The following MAF variants were observed in gnomAD, a reference collection of about 807,000 sequenced individuals.
MAF encodes the protein transcription factor Maf.
Under a neutral mutation model 22.0 loss-of-function variants are expected in MAF, and 10 were observed. That is an observed-to-expected ratio of 0.45 (90% CI 0.28 to 0.77). The LOEUF (loss-of-function observed/expected upper bound fraction) is 0.77, where lower values mean the gene tolerates loss of function less well. Ranked by LOEUF, MAF falls within the 30% of genes least tolerant of loss-of-function variation. MAF has a pLI of 0.12. For missense variants in MAF, 544 were observed against 548.4 expected (o/e 0.99, Z 0.08); for synonymous variants, 337 against 255.8 (o/e 1.32, Z -3.03).
chr16:79,252,700 G>T, the MAF span, among the ~76,000 whole-genome samples: 5 of 152,134 alleles, frequency 3.3e-5, no homozygotes, highest in South Asian at 2.1e-4. Context: ...ATGTTGGCCA[G>T]GCTGGCCTTG....
chr16:79,570,267 C>T, the MAF span, among the ~76,000 whole-genome samples: 8 of 152,106 alleles, frequency 5.3e-5, 1 homozygote, highest in Non-Finnish European at 1.2e-4. Context: ...TAACCCCTCC[C>T]TCCAGCCCTG....
the MAF span, among the ~76,000 whole-genome samples, chr16:79,328,618 A>G: frequency 6.6e-6 from 1 of 152,212 alleles, no homozygotes; most frequent in African/African-American, 2.4e-5. Context: ...ACGAAGACAA[A>G]GCTTATTGAG....
chr16:79,409,789 C>T, the MAF span, among the ~76,000 whole-genome samples: 9 of 152,218 alleles, frequency 5.9e-5, no homozygotes, highest in Non-Finnish European at 8.8e-5. Context: ...TAGATCAGTG[C>T]TGTTCAGTGG....
the MAF span, among the ~76,000 whole-genome samples, chr16:79,402,125 C>T: frequency 6.6e-6 from 1 of 152,208 alleles, no homozygotes. Context: ...GCAGCTTAAG[C>T]TAGCAGAATT....
chr16:79,327,612 A>G, the MAF span, among the ~76,000 whole-genome samples: 1 of 152,198 alleles, frequency 6.6e-6, no homozygotes, highest in Non-Finnish European at 1.5e-5. Flanking sequence ...TAAGGTGGAA[A>G]TAGTGTTTTT....
At chr16:79,372,567 A>C in the MAF span, among the ~76,000 whole-genome samples, 1 of 152,204 alleles carries the variant, frequency 6.6e-6, no homozygotes, top group African/African-American at 2.4e-5. Context: ...AGACGCTGTA[A>C]TGTCTTAGCC....
the MAF span, among the ~76,000 whole-genome samples, chr16:79,336,749 G>A: frequency 6.6e-6 from 1 of 152,170 alleles, no homozygotes; most frequent in Non-Finnish European, 1.5e-5. Context: ...CATGAGTCAT[G>A]CATTTTGCAT....
At chr16:79,300,755 A>G in the MAF span, among the ~76,000 whole-genome samples, 2 of 151,388 alleles carry the variant, frequency 1.3e-5, no homozygotes, top group African/African-American at 4.9e-5. Context: ...ATTTTATTAT[A>G]TGTTATCTAT....
At chr16:79,446,376 G>A in the MAF span, among the ~76,000 whole-genome samples, 29 of 152,110 alleles carry the variant, frequency 1.9e-4, no homozygotes, top group Non-Finnish European at 3.8e-4. Context: ...TAGCTGGAGT[G>A]TCTGCGTCTC....
chr16:79,330,130 G>T, the MAF span, among the ~76,000 whole-genome samples: 2 of 152,240 alleles, frequency 1.3e-5, no homozygotes, highest in Admixed American at 6.5e-5. Context: ...GGCTGCAAAG[G>T]CTCTCATCCT....
At chr16:79,360,370 C>T in the MAF span, among the ~76,000 whole-genome samples, 6 of 152,118 alleles carry the variant, frequency 3.9e-5, no homozygotes, top group African/African-American at 9.7e-5. Flanking sequence ...GGTTGGATTA[C>T]GGCAATACAC....
the MAF span, among the ~76,000 whole-genome samples, chr16:79,533,558 G>A: frequency 3.3e-5 from 5 of 152,214 alleles, no homozygotes; most frequent in Admixed American, 3.3e-4. Flanking sequence ...AGGGGGAGGG[G>A]GAATGGAAAG....
the MAF span, among the ~76,000 whole-genome samples, chr16:79,385,423 C>A: frequency 6.6e-6 from 1 of 151,764 alleles, no homozygotes; most frequent in East Asian, 1.9e-4. Context: ...GCTTTTTTTT[C>A]ATTTTAAACT....
chr16:79,441,531 G>A, the MAF span, among the ~76,000 whole-genome samples: 1 of 152,026 alleles, frequency 6.6e-6, no homozygotes, highest in East Asian at 1.9e-4. Flanking sequence ...TTTTACTTAT[G>A]GATTCCAAAA....
At chr16:79,389,467 C>A in the MAF span, among the ~76,000 whole-genome samples, 1 of 151,974 alleles carries the variant, frequency 6.6e-6, no homozygotes, top group Admixed American at 6.6e-5. Flanking sequence ...CATGTTTGTT[C>A]ACCAGGCTGG....
chr16:79,420,944 G>T, the MAF span, among the ~76,000 whole-genome samples: 1 of 151,950 alleles, frequency 6.6e-6, no homozygotes, highest in Non-Finnish European at 1.5e-5. Flanking sequence ...TGAGACAGGA[G>T]AATCGCTGGA....
At chr16:79,586,269 AGATTCTGGGTTCATAGAAGGGAAG>A (rs567666323) in intron 1 of MAF, among the ~76,000 whole-genome samples, 245 of 152,252 alleles carry the variant, frequency 1.6e-3, no homozygotes, top group African/African-American at 5.6e-3. Context: ...GGGAGCCAAG[AGATTCTGGGTTCATAGAAGGGAAG>A]GATTTGAATC....
chr16:79,322,909 G>C, the MAF span, among the ~76,000 whole-genome samples: 4 of 151,968 alleles, frequency 2.6e-5, no homozygotes, highest in Non-Finnish European at 5.9e-5. Flanking sequence ...CCAGCACTTT[G>C]GGAGGCCGAG....
At chr16:79,222,785 A>C in the MAF span, among the ~76,000 whole-genome samples, 2 of 152,336 alleles carry the variant, frequency 1.3e-5, no homozygotes, top group Non-Finnish European at 2.9e-5. Flanking sequence ...AGGGCATTAC[A>C]TAATGGTAAA....
Sources: allele counts gnomAD v4.1 joint callset (sites outside exome capture counted in the v4.1 genomes callset), GRCh38; gene constraint gnomAD v4.1.1; transcripts MANE v1.5; gene names NCBI Gene and HGNC (gene_info 2026-07-23, HGNC 2026-07-21).